The following FDX1 variants were observed in gnomAD, a reference collection of about 807,000 sequenced individuals.
FDX1 encodes the protein adrenodoxin, mitochondrial.
In FDX1, 9 loss-of-function variants were observed where a neutral mutation model predicts 14.9. That is an observed-to-expected ratio of 0.60 (90% CI 0.36 to 1.05). The LOEUF is 1.05. FDX1 is among the 50% of genes least tolerant of loss of function. The pLI is 0.01. For synonymous variants in FDX1, 92 were observed against 99.4 expected, an observed-to-expected ratio of 0.93 and a Z score of 0.44; for missense variants, 204 against 237.2, an observed-to-expected ratio of 0.86 and a Z score of 0.92.
chr11:110,448,528 AAAC>A (rs1946466996), intron 2 of FDX1, among the ~76,000 whole-genome samples: 1 of 152,190 alleles, frequency 6.6e-6, no homozygotes, highest in Non-Finnish European at 1.5e-5. Flanking sequence ...TCCCGTTGGC[AAAC>A]ACTCAAGTTA....
At chr11:110,455,591 C>T (rs1946516976) in intron 2 of FDX1, among the ~76,000 whole-genome samples, 1 of 152,136 alleles carries the variant, frequency 6.6e-6, no homozygotes, top group South Asian at 2.1e-4. Flanking sequence ...TGTGATTCTG[C>T]ACGCCTCTGT....
chr11:110,445,423 G>T (rs1946444372), intron 2 of FDX1, among the ~76,000 whole-genome samples: 1 of 152,014 alleles, frequency 6.6e-6, no homozygotes, highest in South Asian at 2.1e-4. Context: ...TAAACCGCAG[G>T]TGACAACTAT....
intron 1 of FDX1, among the ~76,000 whole-genome samples, chr11:110,433,525 T>A (rs1946345081): frequency 6.6e-6 from 1 of 152,262 alleles, no homozygotes; most frequent in Non-Finnish European, 1.5e-5. Flanking sequence ...CACTGCATTC[T>A]CTGTCCCTGA....
intron 2 of FDX1, among the ~76,000 whole-genome samples, chr11:110,436,893 T>C (rs1392053969): frequency 1.3e-5 from 2 of 152,146 alleles, no homozygotes; most frequent in African/African-American, 4.8e-5. Context: ...ATCTTTCTTA[T>C]TAGATTATTA....
At chr11:110,444,688 GTATATATATATATATACGTA>G (rs1946432113) in intron 2 of FDX1, among the ~76,000 whole-genome samples, 1 of 24,880 alleles carries the variant, frequency 4.0e-5, no homozygotes, top group Non-Finnish European at 7.0e-5. Flanking sequence ...ATATATACAC[GTATATATATATATATACGTA>G]TATATATATA....
chr11:110,432,446 G>A lies in FDX1; in HGVS notation c.185+2141G>A, dbSNP rs376569943. ...TTTTAAAATTTCAGTAGTTTTGGGGGCACAGGTGGTGTTTGGTTAATGGGT... is the reference window on the plus strand; with the variant it reads ...TTTTAAAATTTCAGTAGTTTTGGGGACACAGGTGGTGTTTGGTTAATGGGT... On this transcript the variant is annotated intron_variant, in intron 1 of 3. Coordinates refer to ENST00000260270, the MANE Select transcript of FDX1 (RefSeq NM_004109.5). 6.4e-4 allele frequency among the ~76,000 whole-genome samples: 98 copies of A among 152,198 alleles called. 3 individuals are homozygous for A. In the South Asian group the frequency reaches 0.02, roughly 31 times the overall value.
intron 3 of FDX1, among the ~76,000 whole-genome samples, chr11:110,461,818 T>C (rs1218862807): frequency 6.6e-6 from 1 of 152,222 alleles, no homozygotes; most frequent in Non-Finnish European, 1.5e-5. Flanking sequence ...TAAGATTCCA[T>C]TGATTTTAAG....
rs1487908370 is a variant in FDX1 at position 110,450,133 on chromosome 11, T to C, written c.311-6785T>C. On this transcript the variant is annotated intron_variant, in intron 2 of 3. Coordinates refer to ENST00000260270, the MANE Select transcript of FDX1 (RefSeq NM_004109.5). ...TCCATGGGCAAGGTTGGGGTGGGGA[T>C]GGATTTGGGATGATTCAAGTGCATT... is the stretch of plus-strand genomic sequence containing the variant. 2.6e-5 allele frequency among the ~76,000 whole-genome samples: 4 copies of C among 152,162 alleles called. No homozygotes were observed. The East Asian group carries it at 7.7e-4, about 29-fold the overall frequency.
intron 2 of FDX1, among the ~76,000 whole-genome samples, chr11:110,436,417 C>G (rs1001162897): frequency 2.6e-5 from 4 of 152,186 alleles, no homozygotes; most frequent in African/African-American, 9.7e-5. Context: ...AGCCTGTGTT[C>G]CTGCAACTGC....
chr11:110,431,348 A>G (rs1946329893), intron 1 of FDX1, among the ~76,000 whole-genome samples: 1 of 152,220 alleles, frequency 6.6e-6, no homozygotes, highest in Non-Finnish European at 1.5e-5. Flanking sequence ...CTTTGACCGC[A>G]TGATGTAGGG....
chr11:110,429,962 C>A lies in FDX1; in HGVS notation c.-159C>A. 2.5e-6 allele frequency: 1 copy of A among 406,238 alleles called. No homozygotes were observed. Among genetic ancestry groups the A allele is most frequent in the Non-Finnish European group, 4.1e-6 (1 of 246,620 alleles). The allele number at this position is 406,238 out of a possible 1,614,324, so 25.2% of individuals were successfully genotyped here. A position where few individuals can be genotyped will look rare whatever the true frequency, so the allele number is the denominator to read the frequency against. The stretch of plus-strand genomic sequence containing the variant: ...ACCCGGAAGGCACGCGGAACCTCGG[C>A]GCGGTGCTTCCAGCAGGGTCTCTCC... On this transcript the variant is annotated 5_prime_UTR_variant, in exon 1 of 4. Transcript: ENST00000260270.
At position 110,430,168 on chromosome 11, in the gene FDX1, C is replaced by G; in HGVS notation, c.48C>G (p.Val16=). 4.0e-6 allele frequency: 5 copies of G among 1,235,480 alleles called. No homozygotes were observed. The highest frequency in any genetic ancestry group is 5.0e-6 in the Non-Finnish European group (5 of 992,088). 76.5% of individuals were successfully genotyped at this position (1,235,480 alleles called of 1,614,324 possible). A position where few individuals can be genotyped will look rare whatever the true frequency, so the allele number is the denominator to read the frequency against. Residue 16 remains valine, a synonymous_variant, in exon 1 of 4, where the codon GTC becomes GTG. Coordinates refer to ENST00000260270, the MANE Select transcript of FDX1 (RefSeq NM_004109.5). ...GARLLRAASA[V]LGGPAGRWLH... ...GGCTGCTGCGCGCCGCTTCTGCTGT[C>G]CTCGGCGGCCCGGCCGGCCGGTGGC... is the stretch of plus-strand genomic sequence containing the variant.
At chr11:110,438,261 G>A (rs909025061) in intron 2 of FDX1, among the ~76,000 whole-genome samples, 1 of 152,124 alleles carries the variant, frequency 6.6e-6, no homozygotes, top group African/African-American at 2.4e-5. Flanking sequence ...TGTCTTAAGT[G>A]TTTCCTTTTC....
At chr11:110,454,024 T>C (rs968276099) in intron 2 of FDX1, among the ~76,000 whole-genome samples, 10 of 152,186 alleles carry the variant, frequency 6.6e-5, no homozygotes, top group African/African-American at 2.4e-4. Context: ...GACCATAAAA[T>C]AGTGAGGGAT....
At chr11:110,453,801 C>G (rs1946502624) in intron 2 of FDX1, among the ~76,000 whole-genome samples, 1 of 152,146 alleles carries the variant, frequency 6.6e-6, no homozygotes, top group Non-Finnish European at 1.5e-5. Context: ...TCCATAGGGT[C>G]TTGGAAACCC....
intron 2 of FDX1, among the ~76,000 whole-genome samples, chr11:110,439,346 T>C (rs1176846327): frequency 6.6e-6 from 1 of 152,064 alleles, no homozygotes; most frequent in Non-Finnish European, 1.5e-5. Context: ...TACCTGGGAT[T>C]ACAGGTGCAT....
chr11:110,458,283 A>G (rs1183454517), intron 3 of FDX1, among the ~76,000 whole-genome samples: 1 of 152,250 alleles, frequency 6.6e-6, no homozygotes, highest in Non-Finnish European at 1.5e-5. Flanking sequence ...AGTATTGATG[A>G]TAAAATTTCC....
intron 2 of FDX1, among the ~76,000 whole-genome samples, chr11:110,456,241 C>T (rs1428003678): frequency 6.6e-6 from 1 of 152,146 alleles, no homozygotes; most frequent in Non-Finnish European, 1.5e-5. Context: ...CCATAACTTT[C>T]ATCGCTATTA....
intron 2 of FDX1, among the ~76,000 whole-genome samples, chr11:110,442,407 A>G (rs1323591897): frequency 1.3e-5 from 2 of 152,224 alleles, no homozygotes; most frequent in African/African-American, 4.8e-5. Context: ...TATCCTGCAA[A>G]GCCACAGGGG....
Sources: allele counts gnomAD v4.1 joint callset (sites outside exome capture counted in the v4.1 genomes callset), GRCh38; gene constraint gnomAD v4.1.1; transcripts MANE v1.5; gene names NCBI Gene and HGNC (gene_info 2026-07-23, HGNC 2026-07-21).